SLC41A2: variants seen among roughly 807,000 people sequenced by gnomAD.
SLC41A2 encodes SLC41A1-like 1.
SLC41A2 carries 32 observed loss-of-function variants against 58.3 expected under a neutral mutation model. The ratio of observed to expected loss-of-function variants is 0.55; its 90% CI spans 0.41 to 0.74. The LOEUF (loss-of-function observed/expected upper bound fraction) is 0.74, where lower values mean the gene tolerates loss of function less well. Among genes scored for constraint, SLC41A2 ranks in the 30% least tolerant of loss-of-function variants. The pLI is 0.00. For synonymous variants in SLC41A2, 190 were observed against 235.0 expected (o/e 0.81, Z 1.75); for missense variants, 514 against 680.6 (o/e 0.76, Z 2.72).
intron 1 of SLC41A2, among the ~76,000 whole-genome samples, chr12:104,941,127 G>A (rs145050290): frequency 2.0e-4 from 31 of 152,078 alleles, no homozygotes; most frequent in Non-Finnish European, 3.8e-4. Flanking sequence ...CTGTCATGTC[G>A]GTAACACCAA....
At chr12:104,936,402 G>T (rs1435491138) in intron 1 of SLC41A2, among the ~76,000 whole-genome samples, 1 of 152,160 alleles carries the variant, frequency 6.6e-6, no homozygotes, top group Admixed American at 6.5e-5. Context: ...ATGCTAATGT[G>T]TGTGTGTATT....
chr12:104,939,452 C>T (rs2047413435), intron 1 of SLC41A2, among the ~76,000 whole-genome samples: 2 of 152,186 alleles, frequency 1.3e-5, no homozygotes, highest in African/African-American at 4.8e-5. Context: ...TTCCTCCTGC[C>T]TATGCCTCCC....
chr12:104,858,750 G>A lies in SLC41A2; in HGVS notation c.1255+2541C>T, dbSNP rs74985987. Among the ~76,000 whole-genome samples the A allele has an allele frequency of 8.5e-4, 129 of 152,146 alleles. 4 individuals are homozygous for A. The East Asian group carries it at 0.023, about 28-fold the overall frequency. ...TGGTCTCAAACTTATGAGCTCAAGCGATCCACCTGCCTTGGCCTCCCAAAG... is the reference window on the plus strand; with the variant it reads ...TGGTCTCAAACTTATGAGCTCAAGCAATCCACCTGCCTTGGCCTCCCAAAG... On this transcript the variant is annotated intron_variant, in intron 8 of 10. Transcript: ENST00000258538.
intron 10 of SLC41A2, among the ~76,000 whole-genome samples, chr12:104,819,397 A>C (rs1430539706): frequency 6.6e-6 from 1 of 152,216 alleles, no homozygotes; most frequent in Admixed American, 6.5e-5. Flanking sequence ...GTTAGAAAAG[A>C]AAGACTGAAA....
In SLC41A2 at chr12:104,958,269, G is replaced by A. The variant is rs2048250111; in HGVS notation, c.-349C>T. 1 of 150,680 alleles carries A rather than the reference G, an allele frequency of 6.6e-6. No individual in the cohort carries two copies. Among genetic ancestry groups the A allele is most frequent in the African/African-American group, 2.4e-5 (1 of 41,214 alleles). 9.3% of individuals were successfully genotyped at this position (150,680 alleles called of 1,614,324 possible). A position where few individuals can be genotyped will look rare whatever the true frequency, so the allele number is the denominator to read the frequency against. On this transcript the variant is annotated 5_prime_UTR_variant, in exon 1 of 11. Coordinates refer to ENST00000258538, the MANE Select transcript of SLC41A2 (RefSeq NM_001352171.3). ...CCTTCCTGCTCCCGCGCCTCCTCGC[G>A]CGGCTGCGGCCCCAAGCTGACAGCC...
chr12:104,816,504 G>C (rs954626471), intron 10 of SLC41A2, among the ~76,000 whole-genome samples: 1 of 152,172 alleles, frequency 6.6e-6, no homozygotes, highest in African/African-American at 2.4e-5. Context: ...CTCTCCAGGG[G>C]ACATGGAGGC....
intron 10 of SLC41A2, among the ~76,000 whole-genome samples, chr12:104,806,216 C>G (rs1018958432): frequency 1.3e-5 from 2 of 151,512 alleles, no homozygotes; most frequent in African/African-American, 2.4e-5. Flanking sequence ...CCTCCCCACT[C>G]CCCCCACCCC....
intron 3 of SLC41A2, among the ~76,000 whole-genome samples, chr12:104,907,017 T>C (rs1178727779): frequency 1.3e-5 from 2 of 152,150 alleles, no homozygotes. Flanking sequence ...CCCTTACCGA[T>C]ATCCAAATTT....
intron 5 of SLC41A2, among the ~76,000 whole-genome samples, chr12:104,888,414 T>G (rs1259228261): frequency 6.6e-6 from 1 of 152,116 alleles, no homozygotes; most frequent in Non-Finnish European, 1.5e-5. Context: ...AAAGTCTTTA[T>G]GATTGTGATT....
intron 8 of SLC41A2, among the ~76,000 whole-genome samples, chr12:104,854,891 T>C (rs909443162): frequency 1.6e-4 from 24 of 152,236 alleles, no homozygotes; most frequent in African/African-American, 5.5e-4. Context: ...ATCTGTGTAT[T>C]TTCACCTGTC....
intron 10 of SLC41A2, among the ~76,000 whole-genome samples, chr12:104,825,535 G>GT (rs1394725247): frequency 1.3e-5 from 2 of 152,176 alleles, no homozygotes. Flanking sequence ...CTGTTTTTCT[G>GT]TTTTTTCCTT....
At chr12:104,881,264 C>T (rs2044355097) in intron 6 of SLC41A2, among the ~76,000 whole-genome samples, 1 of 151,852 alleles carries the variant, frequency 6.6e-6, no homozygotes, top group African/African-American at 2.4e-5. Flanking sequence ...TTCAAAAAAC[C>T]AGCTCCTGGA....
chr12:104,887,207 G>T (rs894735868), intron 5 of SLC41A2, among the ~76,000 whole-genome samples: 3 of 151,902 alleles, frequency 2.0e-5, no homozygotes, highest in Admixed American at 6.6e-5. Flanking sequence ...AACTTTAAAT[G>T]TGCTAACCAC....
chr12:104,869,723 A>G (rs1466092225), intron 6 of SLC41A2, among the ~76,000 whole-genome samples: 2 of 152,148 alleles, frequency 1.3e-5, no homozygotes, highest in African/African-American at 2.4e-5. Context: ...TTCTAATCCA[A>G]TTTTGATAGG....
intron 1 of SLC41A2, among the ~76,000 whole-genome samples, chr12:104,944,651 C>T (rs2047641288): frequency 6.6e-6 from 1 of 152,074 alleles, no homozygotes; most frequent in Non-Finnish European, 1.5e-5. Context: ...AAAGAACTTT[C>T]TTCTGGAGGG....
intron 3 of SLC41A2, among the ~76,000 whole-genome samples, chr12:104,903,943 C>G (rs971813607): frequency 4.6e-5 from 7 of 151,998 alleles, no homozygotes; most frequent in Non-Finnish European, 8.8e-5. Context: ...ATACATATAA[C>G]CAGACATTTG....
chr12:104,916,266 A>G (rs529535362), intron 2 of SLC41A2, among the ~76,000 whole-genome samples: 3 of 152,292 alleles, frequency 2.0e-5, no homozygotes, highest in Admixed American at 2.0e-4. Flanking sequence ...CTTTGGTATC[A>G]GGATGATGCT....
intron 6 of SLC41A2, among the ~76,000 whole-genome samples, chr12:104,880,000 T>C (rs2044279624): frequency 6.6e-6 from 1 of 152,174 alleles, no homozygotes; most frequent in African/African-American, 2.4e-5. Context: ...TCCGTGTAAG[T>C]TGGATTCCTA....
chr12:104,833,660 A>G (rs1392227574), intron 10 of SLC41A2, among the ~76,000 whole-genome samples: 1 of 152,192 alleles, frequency 6.6e-6, no homozygotes, highest in Non-Finnish European at 1.5e-5. Flanking sequence ...TAATTTAATT[A>G]CCTTTGTTAC....
Sources: allele counts gnomAD v4.1 joint callset (sites outside exome capture counted in the v4.1 genomes callset), GRCh38; gene constraint gnomAD v4.1.1; transcripts MANE v1.5; gene names NCBI Gene and HGNC (gene_info 2026-07-23, HGNC 2026-07-21).